ZNF670: variants seen among roughly 807,000 people sequenced by gnomAD.
ZNF670 encodes the protein zinc finger protein 670.
ZNF670 carries 7 observed loss-of-function variants against 10.9 expected under a neutral mutation model. The ratio of observed to expected loss-of-function variants is 0.64; its 90% confidence interval spans 0.36 to 1.20. The LOEUF is 1.20. ZNF670 is among the 50% of genes most tolerant of loss of function. ZNF670 has a pLI of 0.02. For missense variants in ZNF670, 446 were observed against 458.6 expected, an observed-to-expected ratio of 0.97 and a Z score of 0.25; for synonymous variants, 136 against 152.7, an observed-to-expected ratio of 0.89 and a Z score of 0.81.
rs1160580458 is a variant in ZNF670 at position 247,078,738 on chromosome 1, A to G, written c.-142T>C. 1.0e-5 allele frequency: 9 copies of G among 873,530 alleles called. No homozygotes were observed. The highest frequency in any genetic ancestry group is 1.6e-5 in the Non-Finnish European group (9 of 566,286). The allele number at this position is 873,530 out of a possible 1,614,324, so 54.1% of individuals were successfully genotyped here. The stretch of plus-strand genomic sequence containing the variant: ...AGCGGAGACGCACCGAGCTCGCCAC[A>G]TTCGCGCTGCCCAACACAAAAGCCG... On this transcript the variant is annotated 5_prime_UTR_variant, in exon 1 of 4. An upstream start codon of the reference 5' UTR is lost. Coordinates refer to ENST00000366503, the MANE Select transcript of ZNF670 (RefSeq NM_033213.5).
intron 1 of ZNF670, among the ~76,000 whole-genome samples, chr1:247,059,527 T>G (rs1203474888): frequency 6.6e-6 from 1 of 151,888 alleles, no homozygotes; most frequent in Non-Finnish European, 1.5e-5. Context: ...CCCACCCAAA[T>G]AGGAATTATG....
chr1:247,065,613 G>C (rs925769479), intron 1 of ZNF670, among the ~76,000 whole-genome samples: 15 of 152,136 alleles, frequency 9.9e-5, no homozygotes, highest in African/African-American at 3.6e-4. Flanking sequence ...ATGTTTAAAG[G>C]GGGGAGGGGT....
In ZNF670 at chr1:247,037,865, G is replaced by T; in HGVS notation, c.754C>A (p.Pro252Thr). The T allele has an allele frequency of 6.2e-7, 1 of 1,613,684 alleles. No homozygotes were observed. Among genetic ancestry groups the T allele is most frequent in the Non-Finnish European group, 8.5e-7 (1 of 1,179,904 alleles). ...TTGCCACATTCCTTACATTCATAGG[G>T]TTTCTCTCCAGTATGAGATCTTTCA... is the stretch of plus-strand genomic sequence containing the variant. The part of the protein sequence containing the change: ...QHERSHTGEK[P>T]YECKECGKAF... Residue 252 changes from proline (P) to threonine (T), a missense_variant, in exon 4 of 4, where the codon CCC becomes ACC. Transcript: ENST00000366503.
intron 1 of ZNF670, among the ~76,000 whole-genome samples, chr1:247,072,284 G>A (rs536792059): frequency 9.4e-4 from 141 of 150,544 alleles, no homozygotes; most frequent in Non-Finnish European, 1.9e-3. Context: ...CCAAGCAGCC[G>A]AGACCACAGC....
intron 1 of ZNF670, among the ~76,000 whole-genome samples, chr1:247,054,199 A>T (rs956843444): frequency 6.6e-5 from 10 of 152,212 alleles, no homozygotes; most frequent in African/African-American, 2.2e-4. Flanking sequence ...ACCAGGGGCT[A>T]AAGTGCTCTG....
intron 1 of ZNF670, among the ~76,000 whole-genome samples, chr1:247,055,118 A>T (rs958358485): frequency 6.6e-6 from 1 of 152,216 alleles, no homozygotes; most frequent in African/African-American, 2.4e-5. Context: ...TGTGCCTAAG[A>T]CATACCTCCA....
intron 1 of ZNF670, among the ~76,000 whole-genome samples, chr1:247,077,856 G>C (rs1391392824): frequency 3.3e-5 from 5 of 152,164 alleles, no homozygotes; most frequent in African/African-American, 1.2e-4. Flanking sequence ...TGGGGGGATC[G>C]CTTGAGCCCG....
At chr1:247,063,478 G>A (rs2103067175) in intron 1 of ZNF670, among the ~76,000 whole-genome samples, 1 of 151,856 alleles carries the variant, frequency 6.6e-6, no homozygotes, top group African/African-American at 2.4e-5. Flanking sequence ...AGCTACTTGG[G>A]AGGCTGAGGC....
chr1:247,061,830 G>T (rs749820757), intron 1 of ZNF670, among the ~76,000 whole-genome samples: 12 of 152,186 alleles, frequency 7.9e-5, no homozygotes, highest in Non-Finnish European at 1.3e-4. Flanking sequence ...GAATTCCTAT[G>T]TGAAAATCCT....
chr1:247,056,910 G>C (rs1670732183), intron 1 of ZNF670, among the ~76,000 whole-genome samples: 1 of 152,116 alleles, frequency 6.6e-6, no homozygotes, highest in Non-Finnish European at 1.5e-5. Flanking sequence ...GAAAGCATTG[G>C]GGAAACTCTT....
In ZNF670 at chr1:247,071,862, T is replaced by C. The variant is rs576045052; in HGVS notation, c.3+6732A>G. 2.9e-5 allele frequency among the ~76,000 whole-genome samples: 4 copies of C among 139,908 alleles called. No homozygotes were observed. In the South Asian group the frequency reaches 8.9e-4, roughly 31 times the overall value. 91.8% of individuals were successfully genotyped at this position (139,908 alleles called of 152,430 possible). On this transcript the variant is annotated intron_variant, in intron 1 of 3. Transcript: ENST00000366503. ...CTTTCACAGTTTTATTCTTTCTTTC[T>C]TTTTTTTTTTTTTTAGATGGAGTCT... is the stretch of plus-strand genomic sequence containing the variant.
chr1:247,061,528 A>C (rs1384435170), intron 1 of ZNF670, among the ~76,000 whole-genome samples: 1 of 152,086 alleles, frequency 6.6e-6, no homozygotes, highest in Non-Finnish European at 1.5e-5. Flanking sequence ...ATAAAATAAT[A>C]ATAGAAAAAA....
chr1:247,048,367 A>G (rs1670508973), intron 1 of ZNF670, among the ~76,000 whole-genome samples: 1 of 152,168 alleles, frequency 6.6e-6, no homozygotes, highest in African/African-American at 2.4e-5. Context: ...GAAGATCCTC[A>G]TTTCCATCTG....
At chr1:247,078,563 C>T in intron 1 of ZNF670, 31 bp downstream of exon 1, 3 of 1,613,754 alleles carry the variant, frequency 1.9e-6, no homozygotes, top group East Asian at 2.2e-5. Flanking sequence ...TCCCTTTTCC[C>T]CTTCCCGAGA....
At chr1:247,042,780 T>G (rs1362457755) in intron 1 of ZNF670, 2 of 468,892 alleles carry the variant, frequency 4.3e-6, no homozygotes, top group East Asian at 9.0e-5. Context: ...CTAGGTTGAG[T>G]TCTGAGTTCC....
At chr1:247,048,358 A>G (rs759869832) in intron 1 of ZNF670, among the ~76,000 whole-genome samples, 4 of 152,164 alleles carry the variant, frequency 2.6e-5, no homozygotes, top group Non-Finnish European at 5.9e-5. Flanking sequence ...AGTTCCCAAG[A>G]AGATCCTCAT....
chr1:247,077,086 G>A (rs552259567), intron 1 of ZNF670, among the ~76,000 whole-genome samples: 12 of 152,190 alleles, frequency 7.9e-5, no homozygotes, highest in African/African-American at 2.4e-4. Context: ...AATCCAGAGC[G>A]CAGGAATCAT....
chr1:247,055,834 T>C (rs563539996), intron 1 of ZNF670, among the ~76,000 whole-genome samples: 1 of 152,052 alleles, frequency 6.6e-6, no homozygotes, highest in African/African-American at 2.4e-5. Context: ...ATATTCCATA[T>C]CAATAGAAAC....
chr1:247,048,758 A>C (rs1453061562), intron 1 of ZNF670, among the ~76,000 whole-genome samples: 1 of 152,184 alleles, frequency 6.6e-6, no homozygotes, highest in Non-Finnish European at 1.5e-5. Context: ...CCTTCTTCAC[A>C]TGGTGGTAGG....
Sources: gnomAD v4.1 joint callset for allele counts (sites outside exome capture counted in the v4.1 genomes callset) on GRCh38, gnomAD v4.1.1 for gene constraint, MANE v1.5 for transcripts, NCBI Gene and HGNC (gene_info 2026-07-23, HGNC 2026-07-21) for gene names.